The following DOCK1 variants were observed in gnomAD, a reference collection of about 807,000 sequenced individuals.
DOCK1 encodes dedicator of cytokinesis 1, also known as dedicator of cytokinesis protein 1.
In DOCK1, 138 loss-of-function variants were observed where a neutral mutation model predicts 262.7. The ratio of observed to expected loss-of-function variants is 0.53; its 90% CI spans 0.46 to 0.61. The LOEUF (loss-of-function observed/expected upper bound fraction) is 0.61, where lower values mean the gene tolerates loss of function less well. DOCK1 is among the 20% of genes least tolerant of loss of function. The probability of loss-of-function intolerance (pLI) is 0.00; values close to 1 mark genes in which losing one functional copy is unlikely to be tolerated. For missense variants in DOCK1, 1,908 were observed against 2,370.7 expected (o/e 0.80, Z 4.05); for synonymous variants, 866 against 867.4 (o/e 1.00, Z 0.03).
In DOCK1 at chr10:127,187,339, G is replaced by C. The variant is rs192044643; in HGVS notation, c.2847+59575G>C. Among the ~76,000 whole-genome samples, 447 of 152,280 alleles carry C rather than the reference G, an allele frequency of 2.9e-3. 2 individuals carry two copies. Among genetic ancestry groups the C allele is most frequent in the Non-Finnish European group, 5.2e-3 (354 of 68,034 alleles). ...TAGTTCATGAATAGAAGTTAGCATC[G>C]TAGTGAGTAAGCAGTACTGATGATC... On this transcript the variant is annotated intron_variant, in intron 27 of 51. Coordinates refer to ENST00000623213, the MANE Select transcript of DOCK1 (RefSeq NM_001290223.2).
intron 46 of DOCK1, among the ~76,000 whole-genome samples, chr10:127,423,658 G>A (rs535960565): frequency 6.6e-6 from 1 of 152,182 alleles, no homozygotes; most frequent in South Asian, 2.1e-4. Context: ...TGAAATGTAC[G>A]AAGATGAAAG....
chr10:127,366,913 T>A (rs1590725973), intron 33 of DOCK1, among the ~76,000 whole-genome samples: 1 of 152,224 alleles, frequency 6.6e-6, no homozygotes, highest in East Asian at 1.9e-4. Context: ...TAGGGGGATT[T>A]GTTTTTACAA....
intron 29 of DOCK1, among the ~76,000 whole-genome samples, chr10:127,329,660 T>A (rs1282810452): frequency 6.6e-6 from 1 of 152,104 alleles, no homozygotes; most frequent in Non-Finnish European, 1.5e-5. Context: ...TCTCACTTCC[T>A]GATGTTCGCT....
chr10:126,989,286 A>G (rs944326047), intron 5 of DOCK1, among the ~76,000 whole-genome samples: 5 of 152,088 alleles, frequency 3.3e-5, no homozygotes, highest in Non-Finnish European at 5.9e-5. Flanking sequence ...GGCAGTGAAC[A>G]AATTTAATGT....
At chr10:127,095,215 T>C (rs2047835864) in intron 23 of DOCK1, among the ~76,000 whole-genome samples, 3 of 152,216 alleles carry the variant, frequency 2.0e-5, no homozygotes, top group Admixed American at 2.0e-4. Flanking sequence ...CTTTCTCTTT[T>C]TCACGCCTCG....
At chr10:127,121,962 A>G (rs988757942) in intron 25 of DOCK1, among the ~76,000 whole-genome samples, 5 of 152,234 alleles carry the variant, frequency 3.3e-5, no homozygotes, top group African/African-American at 1.2e-4. Flanking sequence ...GTGCTTGGAT[A>G]TGCCATTTAA....
At chr10:127,280,329 C>T (rs576256508) in intron 29 of DOCK1, among the ~76,000 whole-genome samples, 55 of 152,088 alleles carry the variant, frequency 3.6e-4, no homozygotes, top group South Asian at 1.2e-3. Flanking sequence ...CCACCGCGCC[C>T]GGCCTTCATA....
intron 15 of DOCK1, among the ~76,000 whole-genome samples, chr10:127,025,431 G>A (rs560381922): frequency 2.6e-5 from 4 of 152,126 alleles, no homozygotes; most frequent in African/African-American, 7.2e-5. Context: ...TCCAGGTTGG[G>A]GCTAAGAAGA....
At position 127,447,540 on chromosome 10, in the gene DOCK1, C is replaced by G. The variant is rs1179191359; in HGVS notation, c.5560C>G (p.Gln1854Glu). The change falls in exon 51 of 52, where the codon CAG (glutamine) becomes GAG (glutamate). Residue 1854 changes from glutamine (Q) to glutamate (E), a missense_variant. This residue lies in a region of DOCK1 where 383 missense variants were observed against 420.1 expected (regional missense o/e 0.91). Coordinates refer to ENST00000623213, the MANE Select transcript of DOCK1 (RefSeq NM_001290223.2). ...AACACCTCCACCTCCCCCTCCACAC[C>G]AGAGGGTAAGTCGGCAATCTGAAAC... ...SPTPPPPPPH[Q>E]RHLPPPLPSK... 6.2e-7 allele frequency: 1 copy of G among 1,613,832 alleles called. No individual in the cohort carries two copies. Among genetic ancestry groups the G allele is most frequent in the African/African-American group, 1.3e-5 (1 of 75,058 alleles).
chr10:127,123,802 C>G (rs2049769896), intron 25 of DOCK1, among the ~76,000 whole-genome samples: 1 of 152,170 alleles, frequency 6.6e-6, no homozygotes, highest in Admixed American at 6.5e-5. Flanking sequence ...TCACTGACCT[C>G]CTGTGGGATT....
At chr10:127,131,979 C>A (rs959209968) in intron 27 of DOCK1, among the ~76,000 whole-genome samples, 2 of 152,160 alleles carry the variant, frequency 1.3e-5, no homozygotes, top group Admixed American at 1.3e-4. Context: ...AATTAATATA[C>A]TTTACTTAAT....
chr10:127,348,614 C>T (rs2063747343), intron 31 of DOCK1, among the ~76,000 whole-genome samples: 2 of 148,350 alleles, frequency 1.3e-5, no homozygotes, highest in Admixed American at 1.3e-4. Flanking sequence ...CACCTGGTCC[C>T]TAGGCTGTTT....
At chr10:127,223,381 A>G (rs1439608433) in intron 27 of DOCK1, among the ~76,000 whole-genome samples, 1 of 152,164 alleles carries the variant, frequency 6.6e-6, no homozygotes, top group Non-Finnish European at 1.5e-5. Flanking sequence ...TAGTAATTCT[A>G]TCTTGCTAAT....
chr10:127,018,331 G>A (rs989447016), intron 12 of DOCK1, among the ~76,000 whole-genome samples: 7 of 152,232 alleles, frequency 4.6e-5, no homozygotes, highest in African/African-American at 1.4e-4. Flanking sequence ...TTTCCTGGGA[G>A]ACTAGAAAAT....
In DOCK1 at chr10:127,294,845, T is replaced by C. The variant is rs530976033; in HGVS notation, c.3044+37416T>C. On this transcript the variant is annotated intron_variant, in intron 29 of 51. Transcript: ENST00000623213. ...TTAGTAGAGACGAGTTTTCGCCACATTGGCCAGGCTGGTTTCGAACTCCTG... is the reference window on the plus strand; with the variant it reads ...TTAGTAGAGACGAGTTTTCGCCACACTGGCCAGGCTGGTTTCGAACTCCTG... 1.3e-3 allele frequency among the ~76,000 whole-genome samples: 194 copies of C among 150,600 alleles called. 2 individuals are homozygous for C. The highest frequency in any genetic ancestry group is 4.3e-3 in the African/African-American group (177 of 40,954).
intron 51 of DOCK1, among the ~76,000 whole-genome samples, chr10:127,449,285 G>A (rs1369647085): frequency 1.3e-5 from 2 of 152,208 alleles, no homozygotes; most frequent in Admixed American, 6.5e-5. Context: ...TAACAGCTTC[G>A]TTAATTGGTC....
rs1229950625 is a variant in DOCK1 at position 127,176,272 on chromosome 10, T to C, written c.2847+48508T>C. On this transcript the variant is annotated intron_variant, in intron 27 of 51. Transcript: ENST00000623213. The surrounding 1 kb of genome is among the most constrained non-coding windows in gnomAD (Gnocchi z 4.4). Reference sequence around the variant, plus strand: ...TTAAACCGCACCTGCAGGGCTTTGTTCCGTTTTTTAATCTGCCGGTTGGGG... The same window carrying C: ...TTAAACCGCACCTGCAGGGCTTTGTCCCGTTTTTTAATCTGCCGGTTGGGG... 6.2e-7 allele frequency: 1 copy of C among 1,614,138 alleles called. No individual in the cohort carries two copies.
At chr10:127,364,318 G>A (rs180899850) in intron 33 of DOCK1, among the ~76,000 whole-genome samples, 9 of 152,280 alleles carry the variant, frequency 5.9e-5, no homozygotes, top group African/African-American at 1.2e-4. Flanking sequence ...CACCTGGCTC[G>A]GAGATCATTA....
At chr10:127,142,352 C>T (rs2051346108) in intron 27 of DOCK1, among the ~76,000 whole-genome samples, 1 of 152,172 alleles carries the variant, frequency 6.6e-6, no homozygotes, top group African/African-American at 2.4e-5. Context: ...CACTCTCCAG[C>T]AGCTCAGGAG....
Sources: allele counts gnomAD v4.1 joint callset (sites outside exome capture counted in the v4.1 genomes callset), GRCh38; gene constraint gnomAD v4.1.1; regional missense constraint gnomAD v4.1.1; non-coding constraint Gnocchi (gnomAD v3.1); transcripts MANE v1.5; gene names NCBI Gene and HGNC (gene_info 2026-07-23, HGNC 2026-07-21).